Variants in OCA2 observed in about 807,000 individuals in gnomAD.
OCA2 encodes the protein P protein.
In OCA2, 77 loss-of-function variants were observed where a neutral mutation model predicts 100.2. The observed-to-expected ratio is 0.77, with a 90% CI of 0.64 to 0.93. OCA2 has a LOEUF of 0.93. Ranked by LOEUF, OCA2 falls within the 40% of genes least tolerant of loss-of-function variation. The pLI is 0.00. For synonymous variants in OCA2, 432 were observed against 439.2 expected, an observed-to-expected ratio of 0.98 and a Z score of 0.21; for missense variants, 1,062 against 1,089.1, an observed-to-expected ratio of 0.98 and a Z score of 0.35.
At chr15:27,877,095 G>A (rs1202515124) in intron 19 of OCA2, among the ~76,000 whole-genome samples, 1 of 151,718 alleles carries the variant, frequency 6.6e-6, no homozygotes, top group East Asian at 1.9e-4. Flanking sequence ...ATTTTGCTTT[G>A]TAATATTATC....
intron 19 of OCA2, among the ~76,000 whole-genome samples, chr15:27,891,188 G>C (rs1407211673): frequency 6.6e-6 from 1 of 152,112 alleles, no homozygotes. Context: ...AAAAGATAAA[G>C]GAATCTTAAT....
downstream of OCA2, among the ~76,000 whole-genome samples, chr15:27,754,141 C>T (rs1313217467): frequency 6.6e-6 from 1 of 152,160 alleles, no homozygotes; most frequent in Admixed American, 6.5e-5. Flanking sequence ...GTGACGTTGT[C>T]CAACACTGCA....
intron 2 of OCA2, among the ~76,000 whole-genome samples, chr15:28,039,499 G>T (rs924953115): frequency 6.6e-6 from 1 of 152,108 alleles, no homozygotes; most frequent in Non-Finnish European, 1.5e-5. Flanking sequence ...AGGAAAACTA[G>T]AAAATTCACC....
At chr15:27,882,388 T>C (rs2037057202) in intron 19 of OCA2, among the ~76,000 whole-genome samples, 1 of 152,218 alleles carries the variant, frequency 6.6e-6, no homozygotes, top group African/African-American at 2.4e-5. Context: ...GTTTCATTTC[T>C]AACCTTTGTA....
intron 14 of OCA2, among the ~76,000 whole-genome samples, chr15:27,980,647 C>T (rs1210122447): frequency 1.3e-5 from 2 of 152,028 alleles, no homozygotes; most frequent in Admixed American, 6.6e-5. Context: ...AGATTTTCAC[C>T]GGGTGTAGTA....
intron 2 of OCA2, among the ~76,000 whole-genome samples, chr15:28,070,607 C>G (rs2044225783): frequency 2.7e-5 from 4 of 147,852 alleles, no homozygotes; most frequent in African/African-American, 7.5e-5. Context: ...GCCCGGCCGC[C>G]CCTACTGGGA....
chr15:27,814,951 G>C (rs56126671), intron 23 of OCA2, among the ~76,000 whole-genome samples: 12 of 148,602 alleles, frequency 8.1e-5, no homozygotes, highest in Middle Eastern at 3.2e-3. Flanking sequence ...TAGATACAGA[G>C]ATATATATAT....
At chr15:27,758,843 T>C (rs547726611) in intron 23 of OCA2, among the ~76,000 whole-genome samples, 6 of 152,216 alleles carry the variant, frequency 3.9e-5, no homozygotes, top group African/African-American at 1.4e-4. Flanking sequence ...CTGTGGGACA[T>C]GAACAAAAGA....
chr15:28,031,897 C>T (rs973036482), intron 3 of OCA2, among the ~76,000 whole-genome samples, 168 bp downstream of exon 3: 2 of 152,114 alleles, frequency 1.3e-5, no homozygotes, highest in Non-Finnish European at 2.9e-5. Context: ...AATTAATATC[C>T]ACAGAATATA....
chr15:27,931,558 ACTC>A (rs1475778946), intron 18 of OCA2, among the ~76,000 whole-genome samples: 1 of 151,274 alleles, frequency 6.6e-6, no homozygotes, highest in Non-Finnish European at 1.5e-5. Flanking sequence ...CTGGTCTCAA[ACTC>A]CTGACCTCAG....
At chr15:27,824,362 C>T (rs114765127) in intron 23 of OCA2, among the ~76,000 whole-genome samples, 2,825 of 151,618 alleles carry the variant, frequency 0.019, 73 homozygotes, top group African/African-American at 0.063. Flanking sequence ...CTGTGAAACT[C>T]TGTCTCAAAA....
rs571714029 is a variant in OCA2 at position 27,927,608 on chromosome 15, C to G, written c.1952-1354G>C. ...CTTTAGGAAACTGCAAAACTATTTT[C>G]CAAAATAATTTTATCATTTTACAAT... On this transcript the variant is annotated intron_variant, in intron 18 of 23. Coordinates refer to ENST00000354638, the MANE Select transcript of OCA2 (RefSeq NM_000275.3). 9.2e-5 allele frequency among the ~76,000 whole-genome samples: 14 copies of G among 152,194 alleles called. No homozygotes were observed. In the East Asian group the frequency reaches 2.7e-3, roughly 29 times the overall value.
At chr15:27,722,802 T>TCTCTCTTTCTCTCTCTCTTTCTCTC in the OCA2 span, among the ~76,000 whole-genome samples, 1 of 39,500 alleles carries the variant, frequency 2.5e-5, no homozygotes, top group Non-Finnish European at 6.0e-5. Context: ...CTCTCTCTCT[T>TCTCTCTTTCTCTCTCTCTTTCTCTC]TCTCTCTCTC....
intron 9 of OCA2, among the ~76,000 whole-genome samples, chr15:28,005,137 G>A (rs2042053698): frequency 6.6e-6 from 1 of 152,040 alleles, no homozygotes; most frequent in Non-Finnish European, 1.5e-5. Flanking sequence ...CACACTGCCT[G>A]TAGCTCAGCT....
chr15:27,986,519 TATA>T, intron 12 of OCA2, 65 bp downstream of exon 12: 1 of 1,011,408 alleles, frequency 9.9e-7, no homozygotes, highest in South Asian at 1.4e-5. Context: ...TTCCTAAATA[TATA>T]ATGTCAGAAA....
At chr15:27,791,392 A>G (rs1344921157) in intron 23 of OCA2, among the ~76,000 whole-genome samples, 3 of 152,234 alleles carry the variant, frequency 2.0e-5, no homozygotes, top group Non-Finnish European at 4.4e-5. Flanking sequence ...ATTTTTGTAA[A>G]TGAAAGAAGC....
intron 19 of OCA2, among the ~76,000 whole-genome samples, chr15:27,888,896 A>G (rs1347486230): frequency 6.6e-6 from 1 of 152,158 alleles, no homozygotes. Context: ...AGTGATACAG[A>G]GCAAAAATGT....
chr15:28,009,116 G>A (rs2042166414), intron 9 of OCA2, among the ~76,000 whole-genome samples: 1 of 152,164 alleles, frequency 6.6e-6, no homozygotes, highest in Admixed American at 6.5e-5. Context: ...CTCATAATGT[G>A]GACCTTCCCC....
chr15:28,021,910 G>A (rs375073695), intron 6 of OCA2, among the ~76,000 whole-genome samples: 8 of 152,266 alleles, frequency 5.3e-5, no homozygotes, highest in East Asian at 3.9e-4. Flanking sequence ...CTAGTGCACC[G>A]CAGGTTGCCA....
Sources: gnomAD v4.1 joint callset for allele counts (sites outside exome capture counted in the v4.1 genomes callset) on GRCh38, gnomAD v4.1.1 for gene constraint, MANE v1.5 for transcripts, NCBI Gene and HGNC (gene_info 2026-07-23, HGNC 2026-07-21) for gene names.